Variants in UNC5C observed in about 807,000 individuals in gnomAD.
The protein encoded by UNC5C is unc-5 netrin receptor C.
In UNC5C, 47 loss-of-function variants were observed where a neutral mutation model predicts 99.8. The observed-to-expected ratio is 0.47, with a 90% CI of 0.37 to 0.60. The LOEUF is 0.60. Among genes scored for constraint, UNC5C ranks in the 20% least tolerant of loss-of-function variants. The pLI is 0.00. For synonymous variants in UNC5C, 487 were observed against 452.2 expected (o/e 1.08, Z -0.98); for missense variants, 1,062 against 1,165.9 (o/e 0.91, Z 1.30).
intron 1 of UNC5C, among the ~76,000 whole-genome samples, chr4:95,383,965 T>C (rs1466671713): frequency 6.6e-6 from 1 of 152,196 alleles, no homozygotes. Flanking sequence ...GGTTAAAAAA[T>C]GGGAACTAGA....
intron 1 of UNC5C, among the ~76,000 whole-genome samples, chr4:95,362,636 CG>C (rs1744428438): frequency 6.6e-6 from 1 of 152,088 alleles, no homozygotes; most frequent in Non-Finnish European, 1.5e-5. Context: ...CACTTGCACC[CG>C]CAGGATTCCT....
intron 14 of UNC5C, among the ~76,000 whole-genome samples, chr4:95,172,184 T>C (rs942686829): frequency 1.4e-4 from 21 of 150,818 alleles, no homozygotes; most frequent in Non-Finnish European, 2.5e-4. Context: ...TCCCATTTTG[T>C]AGGTTGCCTG....
chr4:95,527,726 A>G (rs536128173), intron 1 of UNC5C, among the ~76,000 whole-genome samples: 4 of 152,246 alleles, frequency 2.6e-5, no homozygotes, highest in African/African-American at 9.6e-5. Flanking sequence ...TGCAAACTTT[A>G]TTTGAGAGAA....
At chr4:95,327,470 G>A (rs1210866328) in intron 2 of UNC5C, among the ~76,000 whole-genome samples, 1 of 151,870 alleles carries the variant, frequency 6.6e-6, no homozygotes, top group African/African-American at 2.4e-5. Context: ...GCTGTCAACT[G>A]CTTGTTATAT....
intron 1 of UNC5C, among the ~76,000 whole-genome samples, chr4:95,473,878 T>C (rs1203179500): frequency 6.6e-6 from 1 of 152,146 alleles, no homozygotes; most frequent in Admixed American, 6.5e-5. Flanking sequence ...GAGAAGTGTT[T>C]GTTAGGATAA....
At chr4:95,305,765 C>G (rs1742040302) in intron 2 of UNC5C, among the ~76,000 whole-genome samples, 1 of 152,086 alleles carries the variant, frequency 6.6e-6, no homozygotes, top group Admixed American at 6.6e-5. Flanking sequence ...CATGTTATTC[C>G]AAGAAGTCTT....
chr4:95,216,258 G>C, intron 9 of UNC5C, 47 bp from the exon 10 acceptor site: 1 of 1,483,582 alleles, frequency 6.7e-7, no homozygotes, highest in Non-Finnish European at 9.3e-7. Flanking sequence ...TTTGCAGCAC[G>C]TAAAAGGGAA....
At chr4:95,279,465 A>G (rs1285246085) in intron 3 of UNC5C, among the ~76,000 whole-genome samples, 1 of 152,222 alleles carries the variant, frequency 6.6e-6, no homozygotes, top group Non-Finnish European at 1.5e-5. Flanking sequence ...GTTTAACTAA[A>G]TCATCCCTGA....
At chr4:95,470,391 T>A (rs1045466958) in intron 1 of UNC5C, among the ~76,000 whole-genome samples, 1 of 152,090 alleles carries the variant, frequency 6.6e-6, no homozygotes, top group Non-Finnish European at 1.5e-5. Context: ...CAAATTAACA[T>A]GGTTCTGTTG....
At chr4:95,531,243 T>C (rs1032495382) in intron 1 of UNC5C, among the ~76,000 whole-genome samples, 2 of 152,210 alleles carry the variant, frequency 1.3e-5, no homozygotes, top group Non-Finnish European at 1.5e-5. Flanking sequence ...TTGAAGTCTT[T>C]CCTAAAGTAA....
chr4:95,411,260 C>A (rs1183855735), intron 1 of UNC5C, among the ~76,000 whole-genome samples: 1 of 151,896 alleles, frequency 6.6e-6, no homozygotes, highest in Non-Finnish European at 1.5e-5. Context: ...ATTAGAGGAA[C>A]AAGATTTATG....
chr4:95,199,007 G>C (rs569915997), intron 12 of UNC5C, among the ~76,000 whole-genome samples: 20 of 152,140 alleles, frequency 1.3e-4, no homozygotes, highest in Non-Finnish European at 2.6e-4. Flanking sequence ...GAACCTGTGG[G>C]AGTGAGGCCC....
In UNC5C at chr4:95,242,553, A is replaced by G. The variant is rs1216875098; in HGVS notation, c.984T>C (p.Cys328=). The G allele has an allele frequency of 1.2e-6, 2 of 1,606,860 alleles. No homozygotes were observed. Among genetic ancestry groups the G allele is most frequent in the African/African-American group, 2.7e-5 (2 of 74,650 alleles). ...TGCGCCAGTGGGTGCACTCAGTTCC[A>G]CAAGTAGACCACTTGCTCCATGGCG... is the stretch of plus-strand genomic sequence containing the variant. ...RWTPWSKWST[C]GTECTHWRRR... is the part of the protein sequence containing the mutation. The change falls in exon 7 of 16, where the codon TGT becomes TGC. Residue 328 remains cysteine (C), a synonymous_variant. Coordinates refer to ENST00000453304, the MANE Select transcript of UNC5C (RefSeq NM_003728.4).
intron 1 of UNC5C, among the ~76,000 whole-genome samples, chr4:95,546,814 C>T (rs1000893252): frequency 2.0e-5 from 3 of 152,026 alleles, no homozygotes; most frequent in Non-Finnish European, 1.5e-5. Flanking sequence ...CCTTTTTCTA[C>T]CCAGTCTTTT....
At chr4:95,195,902 C>CAA (rs397973178) in intron 12 of UNC5C, among the ~76,000 whole-genome samples, 10 of 135,530 alleles carry the variant, frequency 7.4e-5, no homozygotes, top group African/African-American at 2.1e-4. Context: ...ATGAGTCCAT[C>CAA]AAAAAAAAAA....
At chr4:95,308,510 T>C (rs11097466) in intron 2 of UNC5C, among the ~76,000 whole-genome samples, 105,111 of 151,738 alleles carry the variant, frequency 0.69, 36,574 homozygotes, top group East Asian at 0.84. Flanking sequence ...CCCAGCACTT[T>C]GGGAGGCTGA....
chr4:95,396,134 G>A (rs777590504), intron 1 of UNC5C, among the ~76,000 whole-genome samples: 3 of 152,206 alleles, frequency 2.0e-5, no homozygotes, highest in Non-Finnish European at 2.9e-5. Flanking sequence ...AGGAGGGTTT[G>A]TCTTTAGCAA....
chr4:95,371,678 T>C (rs949432034), intron 1 of UNC5C, among the ~76,000 whole-genome samples: 15 of 152,186 alleles, frequency 9.9e-5, no homozygotes, highest in East Asian at 1.9e-4. Flanking sequence ...TAAGTTAACA[T>C]GTGCAAAGCA....
chr4:95,527,112 A>C (rs1722519147), intron 1 of UNC5C, among the ~76,000 whole-genome samples: 1 of 152,082 alleles, frequency 6.6e-6, no homozygotes, highest in South Asian at 2.1e-4. Context: ...CCCTATTCAC[A>C]AACTTCCTAA....
Sources: allele counts gnomAD v4.1 joint callset (sites outside exome capture counted in the v4.1 genomes callset), GRCh38; gene constraint gnomAD v4.1.1; transcripts MANE v1.5; gene names NCBI Gene and HGNC (gene_info 2026-07-23, HGNC 2026-07-21).